The following TRIM16 variants were observed in gnomAD, a reference collection of about 807,000 sequenced individuals.
TRIM16 encodes the protein tripartite motif-containing protein 16.
In TRIM16, 33 loss-of-function variants were observed where a neutral mutation model predicts 50.4. The observed-to-expected ratio is 0.65, with a 90% CI of 0.50 to 0.88. TRIM16 has a LOEUF of 0.88. TRIM16 is among the 40% of genes least tolerant of loss of function. The pLI is 0.00. For synonymous variants in TRIM16, 229 were observed against 270.7 expected (o/e 0.85, Z 1.51); for missense variants, 581 against 686.8 (o/e 0.85, Z 1.72).
intron 6 of TRIM16, among the ~76,000 whole-genome samples, chr17:15,666,820 G>A (rs1261117757): frequency 6.6e-6 from 1 of 152,216 alleles, no homozygotes; most frequent in Non-Finnish European, 1.5e-5. Flanking sequence ...CCCTGCTGAT[G>A]AGCATTTGGG....
intron 6 of TRIM16, among the ~76,000 whole-genome samples, chr17:15,660,611 C>T (rs142229783): frequency 2.6e-5 from 4 of 152,178 alleles, no homozygotes; most frequent in East Asian, 1.9e-4. Flanking sequence ...CGAAAGAATA[C>T]AGAGGGGCCG....
chr17:15,679,528 T>TA (rs1185628212), intron 4 of TRIM16, among the ~76,000 whole-genome samples: 5 of 151,920 alleles, frequency 3.3e-5, no homozygotes, highest in African/African-American at 4.8e-5. Flanking sequence ...TTTAGCCCTG[T>TA]AAAAAAAATG....
chr17:15,629,691 C>T (rs1986310374), intron 11 of TRIM16, among the ~76,000 whole-genome samples: 1 of 152,360 alleles, frequency 6.6e-6, no homozygotes, highest in African/African-American at 2.4e-5. Context: ...TCTCCTCCCA[C>T]TCCCAAAGAA....
In TRIM16 at chr17:15,650,768, C is replaced by T. The variant is rs953127314; in HGVS notation, c.519+323G>A. On this transcript the variant is annotated intron_variant, in intron 7 of 11. Coordinates refer to ENST00000649191, the MANE Select transcript of TRIM16 (RefSeq NM_001348119.1). ...CCGCCCTAAGCCCCCACAACTTCTGCACCCTCCACCCAAACACACATCACC... is the reference window on the plus strand; with the variant it reads ...CCGCCCTAAGCCCCCACAACTTCTGTACCCTCCACCCAAACACACATCACC... 2.0e-5 allele frequency among the ~76,000 whole-genome samples: 3 copies of T among 152,188 alleles called. No homozygotes were observed. The South Asian group carries it at 6.2e-4, about 31-fold the overall frequency.
intron 3 of TRIM16, among the ~76,000 whole-genome samples, chr17:15,681,394 C>G (rs1472331217): frequency 6.6e-6 from 1 of 152,298 alleles, no homozygotes; most frequent in Admixed American, 6.5e-5. Context: ...GTCACAGACA[C>G]CTTTAGCCAC....
intron 6 of TRIM16, among the ~76,000 whole-genome samples, chr17:15,656,776 G>T (rs533684509): frequency 6.6e-5 from 10 of 152,154 alleles, no homozygotes; most frequent in Non-Finnish European, 1.3e-4. Flanking sequence ...TTGAAACAGG[G>T]TCTCAAAACT....
chr17:15,655,938 G>A (rs1397915111), intron 6 of TRIM16, among the ~76,000 whole-genome samples: 1 of 152,156 alleles, frequency 6.6e-6, no homozygotes, highest in Non-Finnish European at 1.5e-5. Context: ...AGTCAGGGCC[G>A]GTAAATCAAT....
chr17:15,660,051 T>C (rs547310391), intron 6 of TRIM16, among the ~76,000 whole-genome samples: 5 of 152,294 alleles, frequency 3.3e-5, no homozygotes, highest in African/African-American at 9.6e-5. Context: ...AGGGTGAGGG[T>C]GAGGGTCCTC....
At chr17:15,665,545 CA>C (rs1988462356) in intron 6 of TRIM16, among the ~76,000 whole-genome samples, 1 of 152,098 alleles carries the variant, frequency 6.6e-6, no homozygotes, top group South Asian at 2.1e-4. Context: ...AGAAAGAAAA[CA>C]ACATAATGTA....
At chr17:15,682,978 G>A in intron 2 of TRIM16, 27 bp from the exon 3 acceptor site, 1 of 1,548,386 alleles carries the variant, frequency 6.5e-7, no homozygotes, top group Non-Finnish European at 8.7e-7. Context: ...AAATGAGGTT[G>A]TGTGTGCATA....
intron 1 of TRIM16, 84 bp downstream of exon 1, chr17:15,684,112 A>T (rs1402105533): frequency 6.6e-6 from 1 of 152,230 alleles, no homozygotes; most frequent in Non-Finnish European, 1.5e-5. Context: ...AAGGAATTAC[A>T]GTCAGATCAG....
chr17:15,664,188 A>T (rs1224058232), intron 6 of TRIM16, among the ~76,000 whole-genome samples: 1 of 152,192 alleles, frequency 6.6e-6, no homozygotes, highest in Non-Finnish European at 1.5e-5. Context: ...AAGAAGCAGC[A>T]CAGATGATCC....
At chr17:15,650,234 G>C (rs1784513533) in intron 7 of TRIM16, among the ~76,000 whole-genome samples, 1 of 152,182 alleles carries the variant, frequency 6.6e-6, no homozygotes, top group Non-Finnish European at 1.5e-5. Context: ...GAACTTCCTT[G>C]ATGATTAATG....
intron 6 of TRIM16, among the ~76,000 whole-genome samples, chr17:15,674,522 C>G (rs1988847615): frequency 1.3e-5 from 2 of 152,124 alleles, no homozygotes; most frequent in Admixed American, 1.3e-4. Context: ...CTCCCCTCCC[C>G]CACACTGCCC....
At chr17:15,651,061 C>T in intron 7 of TRIM16, 30 bp downstream of exon 7, 1 of 1,579,912 alleles carries the variant, frequency 6.3e-7, no homozygotes, top group Non-Finnish European at 8.6e-7. Flanking sequence ...CGCCCTCTCC[C>T]AAATGGATGA....
At chr17:15,651,967 C>G in intron 6 of TRIM16, 21 bp from the exon 7 acceptor site, 1 of 1,198,456 alleles carries the variant, frequency 8.3e-7, no homozygotes, top group Non-Finnish European at 1.0e-6. Flanking sequence ...CAGAAGATTC[C>G]TGAGCTCTGT....
At position 15,680,867 on chromosome 17, in the gene TRIM16, G is replaced by A. The variant is rs1468012392; in HGVS notation, c.-592C>T. The A allele has an allele frequency of 1.3e-6, 2 of 1,542,808 alleles. No individual in the cohort carries two copies. The highest frequency in any genetic ancestry group is 1.7e-6 in the Non-Finnish European group (2 of 1,145,018). On this transcript the variant is annotated splice_region_variant and 5_prime_UTR_variant, in exon 4 of 12. It introduces an in-frame stop codon into an upstream open reading frame of the 5' UTR. Coordinates refer to ENST00000649191, the MANE Select transcript of TRIM16 (RefSeq NM_001348119.1). ...AGAGAGGAAAATCCCCAACTCACCTGGGACTCTGCTGTCCGGCAAAGAGCA... is the reference window on the plus strand; with the variant it reads ...AGAGAGGAAAATCCCCAACTCACCTAGGACTCTGCTGTCCGGCAAAGAGCA...
At chr17:15,656,268 A>C (rs72819879) in intron 6 of TRIM16, among the ~76,000 whole-genome samples, 1,713 of 152,190 alleles carry the variant, frequency 0.011, 14 homozygotes, top group Middle Eastern at 0.02. Context: ...TGAGGCTAGA[A>C]AGTCACATGA....
intron 8 of TRIM16, among the ~76,000 whole-genome samples, chr17:15,636,647 T>G (rs1209824097): frequency 2.1e-5 from 3 of 145,600 alleles, no homozygotes; most frequent in Non-Finnish European, 4.5e-5. Flanking sequence ...TTTTTTTTTT[T>G]GTATAATCAG....
Sources: gnomAD v4.1 joint callset for allele counts (sites outside exome capture counted in the v4.1 genomes callset) on GRCh38, gnomAD v4.1.1 for gene constraint, MANE v1.5 for transcripts, NCBI Gene and HGNC (gene_info 2026-07-23, HGNC 2026-07-21) for gene names.